The following MALRD1 variants were observed in gnomAD, a reference collection of about 807,000 sequenced individuals.
MALRD1 encodes the protein MAM and LDL-receptor class A domain-containing protein 1.
Under a neutral mutation model 242.1 loss-of-function variants are expected in MALRD1, and 247 were observed. That is an observed-to-expected ratio of 1.02 (90% CI 0.92 to 1.13). The LOEUF (loss-of-function observed/expected upper bound fraction) is 1.13, where lower values mean the gene tolerates loss of function less well. Among genes scored for constraint, MALRD1 ranks in the 50% most tolerant of loss-of-function variants. The probability of loss-of-function intolerance (pLI) is 0.00; values close to 1 mark genes in which losing one functional copy is unlikely to be tolerated. For missense variants in MALRD1, 2,989 were observed against 2,533.1 expected (o/e 1.18, Z -3.86); for synonymous variants, 995 against 866.6 (o/e 1.15, Z -2.60).
At chr10:19,478,066 G>A (rs553519585) in intron 29 of MALRD1, among the ~76,000 whole-genome samples, 3 of 152,220 alleles carry the variant, frequency 2.0e-5, no homozygotes, top group East Asian at 1.9e-4. Context: ...GAAATGATTC[G>A]GGGGCTGCTT....
intron 2 of MALRD1, among the ~76,000 whole-genome samples, chr10:19,079,266 A>C (rs1198401828): frequency 1.3e-5 from 2 of 151,754 alleles, no homozygotes; most frequent in African/African-American, 4.8e-5. Context: ...ACTATTATTT[A>C]ATTCTACGTA....
At chr10:19,612,142 G>T (rs992153322) in intron 35 of MALRD1, among the ~76,000 whole-genome samples, 3 of 151,812 alleles carry the variant, frequency 2.0e-5, no homozygotes, top group African/African-American at 7.3e-5. Flanking sequence ...GACTGAAATT[G>T]TACCTAAGAT....
At chr10:19,593,916 C>T (rs1837945624) in intron 33 of MALRD1, among the ~76,000 whole-genome samples, 1 of 152,186 alleles carries the variant, frequency 6.6e-6, no homozygotes, top group Admixed American at 6.5e-5. Flanking sequence ...TTAGATTACA[C>T]TGTGATTTTA....
chr10:19,724,810 A>G (rs1349701865), intron 38 of MALRD1: 3 of 152,234 alleles, frequency 2.0e-5, no homozygotes, highest in Non-Finnish European at 4.4e-5. Flanking sequence ...ATGGCATGAT[A>G]CTATATATAA....
chr10:19,277,601 G>A (rs1840592453), intron 19 of MALRD1, among the ~76,000 whole-genome samples: 1 of 152,136 alleles, frequency 6.6e-6, no homozygotes, highest in Non-Finnish European at 1.5e-5. Flanking sequence ...TTCACACAGG[G>A]TAGCCTGGAA....
chr10:19,230,660 G>A (rs1353085085), intron 18 of MALRD1, among the ~76,000 whole-genome samples: 1 of 152,128 alleles, frequency 6.6e-6, no homozygotes, highest in Non-Finnish European at 1.5e-5. Flanking sequence ...TACCAAAGCT[G>A]ACAATGCTTA....
intron 34 of MALRD1, among the ~76,000 whole-genome samples, chr10:19,597,212 C>T (rs948761829): frequency 6.6e-6 from 1 of 152,124 alleles, no homozygotes; most frequent in Non-Finnish European, 1.5e-5. Flanking sequence ...AGAAAGCCTG[C>T]CAAATTACTT....
At chr10:19,429,465 G>A (rs983905897) in intron 28 of MALRD1, among the ~76,000 whole-genome samples, 1 of 152,146 alleles carries the variant, frequency 6.6e-6, no homozygotes, top group Non-Finnish European at 1.5e-5. Flanking sequence ...TCAGAAGGCT[G>A]AAGCTGGAGG....
In MALRD1 at chr10:19,113,413, C is replaced by T. The variant is rs999219864; in HGVS notation, c.694+9338C>T. Among the ~76,000 whole-genome samples, 5 of 151,958 alleles carry T rather than the reference C, an allele frequency of 3.3e-5. No homozygotes were observed. The South Asian group carries it at 6.3e-4, about 19-fold the overall frequency. On this transcript the variant is annotated intron_variant, in intron 5 of 39. Coordinates refer to ENST00000454679, the MANE Select transcript of MALRD1 (RefSeq NM_001142308.3). ...TTATGCAAACCTCTTTTCCTCTGCC[C>T]GAAAGCCTCATTCCATGACTTTTCT...
chr10:19,431,649 A>G (rs1834131738), intron 28 of MALRD1, among the ~76,000 whole-genome samples: 1 of 152,198 alleles, frequency 6.6e-6, no homozygotes, highest in Non-Finnish European at 1.5e-5. Context: ...AGAAATTGGT[A>G]CAAGCATCTT....
At chr10:19,497,470 A>C (rs1025840894) in intron 30 of MALRD1, among the ~76,000 whole-genome samples, 1 of 151,896 alleles carries the variant, frequency 6.6e-6, no homozygotes, top group Non-Finnish European at 1.5e-5. Context: ...ATGCTTGAGA[A>C]GTAAAATGCT....
chr10:19,101,914 A>G (rs994051915), intron 4 of MALRD1, among the ~76,000 whole-genome samples: 5 of 137,928 alleles, frequency 3.6e-5, no homozygotes, highest in Admixed American at 7.6e-5. Flanking sequence ...AATATATATT[A>G]TATATAATCT....
intron 26 of MALRD1, among the ~76,000 whole-genome samples, chr10:19,364,482 ACTTAAT>A (rs1845028945): frequency 6.6e-6 from 1 of 152,092 alleles, no homozygotes; most frequent in African/African-American, 2.4e-5. Flanking sequence ...TTTCTGATAA[ACTTAAT>A]CTTTACTGAA....
Position 19,620,288 on chromosome 10 carries a change from T to C in MALRD1, c.6137+4365T>C, listed in dbSNP as rs75011200. ...CCCAGATAATAAGCATAGTACCCAATAGGTAGTAGTTTTATCCTCACCGTC... is the reference window on the plus strand; with the variant it reads ...CCCAGATAATAAGCATAGTACCCAACAGGTAGTAGTTTTATCCTCACCGTC... On this transcript the variant is annotated intron_variant, in intron 36 of 39. Transcript: ENST00000454679. Among the ~76,000 whole-genome samples, 773 of 152,088 alleles carry C rather than the reference T, an allele frequency of 5.1e-3. 11 individuals are homozygous for C. Among genetic ancestry groups the C allele is most frequent in the East Asian group, 0.022 (112 of 5,146 alleles).
chr10:19,221,465 T>A (rs1335931543), intron 18 of MALRD1, among the ~76,000 whole-genome samples: 1 of 152,152 alleles, frequency 6.6e-6, no homozygotes, highest in African/African-American at 2.4e-5. Context: ...GCATGCTAAA[T>A]CTCACTTCAC....
chr10:19,700,029 C>T (rs985091782), intron 38 of MALRD1, among the ~76,000 whole-genome samples: 11 of 150,266 alleles, frequency 7.3e-5, no homozygotes, highest in African/African-American at 2.2e-4. Context: ...TAGACACACA[C>T]ACACACACAC....
rs141124386 is a variant in MALRD1 at position 19,676,761 on chromosome 10, A to G, written c.6138-15521A>G. Among the ~76,000 whole-genome samples, 393 of 152,256 alleles carry G rather than the reference A, an allele frequency of 2.6e-3. 2 individuals are homozygous for G. The highest frequency in any genetic ancestry group is 9.2e-3 in the African/African-American group (382 of 41,560). ...TGTGCTATAGTGGTTTGCTGCACCT[A>G]TCAACCCATCACCTGCGTATTAAGC... On this transcript the variant is annotated intron_variant, in intron 36 of 39. Coordinates refer to ENST00000454679, the MANE Select transcript of MALRD1 (RefSeq NM_001142308.3).
chr10:19,133,430 C>G (rs553634799), intron 8 of MALRD1, among the ~76,000 whole-genome samples: 1 of 152,280 alleles, frequency 6.6e-6, no homozygotes, highest in South Asian at 2.1e-4. Flanking sequence ...GAAAATGCAT[C>G]TGACAACATT....
intron 36 of MALRD1, among the ~76,000 whole-genome samples, chr10:19,672,641 G>A (rs972507422): frequency 6.6e-6 from 1 of 151,898 alleles, no homozygotes; most frequent in Non-Finnish European, 1.5e-5. Context: ...CCGGGCTGAA[G>A]TCGAACTCCT....
Sources: allele counts gnomAD v4.1 joint callset (sites outside exome capture counted in the v4.1 genomes callset), GRCh38; gene constraint gnomAD v4.1.1; transcripts MANE v1.5; gene names NCBI Gene and HGNC (gene_info 2026-07-23, HGNC 2026-07-21).